ACTR3: variants seen among roughly 807,000 people sequenced by gnomAD.
ACTR3 encodes the protein actin-related protein 3.
A neutral mutation model predicts 56.8 loss-of-function variants in ACTR3; 12 were observed. That is an observed-to-expected ratio of 0.21 (90% confidence interval 0.14 to 0.34). ACTR3 has a LOEUF of 0.34. Among genes scored for constraint, ACTR3 ranks in the 10% least tolerant of loss-of-function variants. ACTR3 has a pLI of 1.00. For synonymous variants in ACTR3, 162 were observed against 167.4 expected (o/e 0.97, Z 0.25); for missense variants, 282 against 512.5 (o/e 0.55, Z 4.34).
At chr2:113,897,823 A>G (rs1679037707) in intron 1 of ACTR3, among the ~76,000 whole-genome samples, 1 of 151,964 alleles carries the variant, frequency 6.6e-6, no homozygotes, top group Admixed American at 6.6e-5. Flanking sequence ...CCCAACCCTA[A>G]TACATACCTG....
intron 3 of ACTR3, among the ~76,000 whole-genome samples, chr2:113,926,172 G>C (rs553241897): frequency 6.6e-6 from 1 of 152,284 alleles, no homozygotes; most frequent in African/African-American, 2.4e-5. Flanking sequence ...CTGATTTCTT[G>C]TTTTATATCG....
At chr2:113,952,067 TGTG>T in intron 10 of ACTR3, 1 of 540,326 alleles carries the variant, frequency 1.9e-6, no homozygotes, top group South Asian at 3.8e-5. Context: ...TAGTAATACC[TGTG>T]GAAAGACTTT....
At chr2:113,918,177 C>T (rs1211078912) in intron 3 of ACTR3, among the ~76,000 whole-genome samples, 1 of 152,058 alleles carries the variant, frequency 6.6e-6, no homozygotes, top group East Asian at 1.9e-4. Flanking sequence ...TGAACCCTAT[C>T]CTATTGGCAA....
chr2:113,942,457 A>G, intron 8 of ACTR3, 98 bp downstream of exon 8: 1 of 765,190 alleles, frequency 1.3e-6, no homozygotes, highest in Non-Finnish European at 1.9e-6. Context: ...TTATTAGTAC[A>G]CTAAAAGTTT....
At chr2:113,899,906 G>A (rs764289453) in intron 1 of ACTR3, among the ~76,000 whole-genome samples, 1 of 152,204 alleles carries the variant, frequency 6.6e-6, no homozygotes, top group African/African-American at 2.4e-5. Flanking sequence ...CTGTGGGACA[G>A]CAAGTAGTTT....
In ACTR3 at chr2:113,934,299, A is replaced by G. The variant is rs1425416950; in HGVS notation, c.453A>G (p.Ala151=). 6.3e-7 allele frequency: 1 copy of G among 1,596,668 alleles called. No individual in the cohort carries two copies. The highest frequency in any genetic ancestry group is 2.3e-5 in the East Asian group (1 of 44,304). ...TCAAGGCTGTTCTTGCCTTAGCTGC[A>G]TCTTGGACCTCAAGACAAGTAGGAG... The part of the protein sequence containing the change: ...IAVQAVLALA[A]SWTSRQVGER... The change falls in exon 6 of 12, where the codon GCA becomes GCG. Residue 151 remains alanine (A), a synonymous_variant. Coordinates refer to ENST00000263238, the MANE Select transcript of ACTR3 (RefSeq NM_005721.5).
In ACTR3 at chr2:113,940,023, A is replaced by G; in HGVS notation, c.605A>G (p.Tyr202Cys). ...HIPIAGRDIT[Y>C]FIQQLLRDRE... The stretch of plus-strand genomic sequence containing the variant: ...CCAATCGCAGGACGAGATATAACAT[A>G]TTTTATTCAGCAACTGCTGAGAGAC... The change falls in exon 7 of 12, where the codon TAT (tyrosine) becomes TGT (cysteine). Residue 202 changes from tyrosine to cysteine, a missense_variant. Transcript: ENST00000263238. 1 of 1,613,498 alleles carries G rather than the reference A, an allele frequency of 6.2e-7. No individual in the cohort carries two copies. Among genetic ancestry groups the G allele is most frequent in the Non-Finnish European group, 8.5e-7 (1 of 1,179,632 alleles).
intron 1 of ACTR3, among the ~76,000 whole-genome samples, chr2:113,903,235 TC>T (rs1388280241): frequency 1.3e-5 from 2 of 152,230 alleles, no homozygotes; most frequent in African/African-American, 4.8e-5. Context: ...GTTTTCCTTA[TC>T]TTTGATTTTC....
intron 2 of ACTR3, among the ~76,000 whole-genome samples, chr2:113,914,880 G>A (rs1171290387): frequency 6.6e-6 from 1 of 151,962 alleles, no homozygotes. Context: ...TGTGTCTAGT[G>A]GCCTTTATTA....
chr2:113,890,088 G>A, upstream of ACTR3: 1 of 643,636 alleles, frequency 1.6e-6, no homozygotes, highest in East Asian at 3.0e-5. Context: ...TGCCTGCCTG[G>A]GTTGCGGAAG....
At chr2:113,926,894 C>A (rs185593493) in intron 3 of ACTR3, among the ~76,000 whole-genome samples, 1 of 147,906 alleles carries the variant, frequency 6.8e-6, no homozygotes, top group Non-Finnish European at 1.5e-5. Context: ...TTGATTCTTA[C>A]AATTATTCTA....
chr2:113,956,620 A>G (rs911961262), intron 11 of ACTR3, among the ~76,000 whole-genome samples: 2 of 152,178 alleles, frequency 1.3e-5, no homozygotes, highest in African/African-American at 2.4e-5. Context: ...CCAAATTAAA[A>G]TGTCTTTAAA....
At chr2:113,930,916 A>G (rs1679712196) in intron 4 of ACTR3, among the ~76,000 whole-genome samples, 1 of 152,224 alleles carries the variant, frequency 6.6e-6, no homozygotes, top group Non-Finnish European at 1.5e-5. Flanking sequence ...GGGCTCTCCC[A>G]CTGGCAAATA....
chr2:113,903,469 A>G (rs764814116), intron 1 of ACTR3, among the ~76,000 whole-genome samples: 8 of 151,428 alleles, frequency 5.3e-5, no homozygotes, highest in Non-Finnish European at 1.2e-4. Context: ...CAGGTTCAGC[A>G]ATTCTTGTGC....
intron 2 of ACTR3, 58 bp downstream of exon 2, chr2:113,913,285 A>G: frequency 2.4e-6 from 3 of 1,265,032 alleles, no homozygotes; most frequent in African/African-American, 1.5e-5. Context: ...TTCCCTAATA[A>G]TTTAAGTAAA....
intron 1 of ACTR3, among the ~76,000 whole-genome samples, chr2:113,912,075 C>T (rs938373788): frequency 5.3e-5 from 8 of 152,088 alleles, no homozygotes; most frequent in African/African-American, 1.9e-4. Flanking sequence ...GGTGTTTCAC[C>T]GTGTTGGTCA....
At chr2:113,916,005 AT>A (rs1173562171) in intron 2 of ACTR3, among the ~76,000 whole-genome samples, 1 of 152,178 alleles carries the variant, frequency 6.6e-6, no homozygotes, top group African/African-American at 2.4e-5. Flanking sequence ...TTTTTAGGAA[AT>A]TTATAGTGAG....
At chr2:113,895,708 GTTATT>G (rs1678994385) in intron 1 of ACTR3, among the ~76,000 whole-genome samples, 1 of 152,102 alleles carries the variant, frequency 6.6e-6, no homozygotes, top group South Asian at 2.1e-4. Context: ...TATATTTCGT[GTTATT>G]TTATTTACGG....
chr2:113,940,281 C>T, intron 7 of ACTR3, 179 bp downstream of exon 7: 1 of 457,350 alleles, frequency 2.2e-6, no homozygotes, highest in Admixed American at 4.4e-5. Flanking sequence ...ATTATTACAG[C>T]AGTTTGTCTT....
Sources: allele counts gnomAD v4.1 joint callset (sites outside exome capture counted in the v4.1 genomes callset), GRCh38; gene constraint gnomAD v4.1.1; transcripts MANE v1.5; gene names NCBI Gene and HGNC (gene_info 2026-07-23, HGNC 2026-07-21).